The following ADGRL3 variants were observed in gnomAD, a reference collection of about 807,000 sequenced individuals.
ADGRL3 encodes adhesion G protein-coupled receptor L3, also known as calcium-independent alpha-latrotoxin receptor 3.
Under a neutral mutation model 153.5 loss-of-function variants are expected in ADGRL3, and 62 were observed. The observed-to-expected ratio is 0.40, with a 90% CI of 0.33 to 0.50. The LOEUF (loss-of-function observed/expected upper bound fraction) is 0.50. Ranked by LOEUF, ADGRL3 falls within the 20% of genes least tolerant of loss-of-function variation. The probability of loss-of-function intolerance (pLI) is 0.47; values close to 1 mark genes in which losing one functional copy is unlikely to be tolerated. For missense variants in ADGRL3, 1,641 were observed against 1,859.4 expected, an observed-to-expected ratio of 0.88 and a Z score of 2.16; for synonymous variants, 710 against 672.5, an observed-to-expected ratio of 1.06 and a Z score of -0.86.
chr4:61,896,874 G>C (rs2098634677), intron 11 of ADGRL3, among the ~76,000 whole-genome samples: 1 of 152,138 alleles, frequency 6.6e-6, no homozygotes, highest in African/African-American at 2.4e-5. Context: ...GATGTGATCA[G>C]ATTAAGAGAT....
rs1331629821 is a variant in ADGRL3, at chr4:61,928,137, AAGTAG to A, written c.2113-6698_2113-6694del. Among the ~76,000 whole-genome samples, 94 of 151,978 alleles carry A rather than the reference AAGTAG, an allele frequency of 6.2e-4. 5 individuals are homozygous for A. The highest frequency in any genetic ancestry group is 8.8e-5 in the Non-Finnish European group (6 of 67,962). ...TCAGGAAAACATATTTAAAAAGTGG[AAGTAG>A]AGTAAAATATAATTTATATTACTAG... On this transcript the variant is annotated intron_variant, in intron 13 of 26. Transcript: ENST00000683033.
intron 3 of ADGRL3, among the ~76,000 whole-genome samples, chr4:61,512,290 A>T (rs1186221185): frequency 6.6e-6 from 1 of 152,162 alleles, no homozygotes; most frequent in African/African-American, 2.4e-5. Flanking sequence ...CAATCCAATG[A>T]GTCATAGGTA....
At chr4:61,218,670 A>T (rs1179602540) in intron 1 of ADGRL3, among the ~76,000 whole-genome samples, 1 of 152,052 alleles carries the variant, frequency 6.6e-6, no homozygotes, top group Non-Finnish European at 1.5e-5. Context: ...TGTGATAAAG[A>T]TTAAACAGAA....
At chr4:61,594,811 A>G (rs1353527290) in intron 5 of ADGRL3, among the ~76,000 whole-genome samples, 1 of 152,174 alleles carries the variant, frequency 6.6e-6, no homozygotes, top group African/African-American at 2.4e-5. Flanking sequence ...CTGGGAGCCA[A>G]GGACTGGAGT....
rs1029278942 is a variant in ADGRL3 at position 61,698,721 on chromosome 4, G to A, written c.583+21786G>A. ...TATAGAGAATCATTTTGCTGTGTGA[G>A]TCTCCATTCAGTCATGGTGTGTTGC... On this transcript the variant is annotated intron_variant, in intron 6 of 26. Transcript: ENST00000683033. Among the ~76,000 whole-genome samples, 7 of 152,112 alleles carry A rather than the reference G, an allele frequency of 4.6e-5. No homozygotes were observed. In the East Asian group the frequency reaches 9.7e-4, roughly 21 times the overall value.
chr4:61,549,078 T>C (rs2148773222), intron 4 of ADGRL3, among the ~76,000 whole-genome samples: 1 of 152,198 alleles, frequency 6.6e-6, no homozygotes, highest in East Asian at 1.9e-4. Flanking sequence ...TATTTCTAGA[T>C]ATTTTATTCT....
At chr4:61,733,614 T>C in intron 8 of ADGRL3, 60 bp downstream of exon 8, 1 of 1,218,898 alleles carries the variant, frequency 8.2e-7, no homozygotes. Flanking sequence ...TCTCAGCAAG[T>C]TCATTTTATG....
intron 2 of ADGRL3, among the ~76,000 whole-genome samples, chr4:61,393,625 T>C (rs1578615929): frequency 1.3e-5 from 2 of 152,152 alleles, no homozygotes; most frequent in East Asian, 1.9e-4. Flanking sequence ...AGGGTGAATA[T>C]ACATTTTTAA....
intron 13 of ADGRL3, among the ~76,000 whole-genome samples, chr4:61,914,830 G>A (rs1364879765): frequency 2.0e-5 from 3 of 151,978 alleles, no homozygotes; most frequent in Admixed American, 6.6e-5. Context: ...AAAAGGCAGG[G>A]TAAAGATGAG....
intron 1 of ADGRL3, among the ~76,000 whole-genome samples, chr4:61,350,014 TC>T (rs1235135835): frequency 1.3e-5 from 2 of 152,190 alleles, no homozygotes; most frequent in Non-Finnish European, 2.9e-5. Context: ...TTTAAGGTTA[TC>T]ATCTGGCCAG....
intron 5 of ADGRL3, among the ~76,000 whole-genome samples, chr4:61,623,976 C>A (rs1382448240): frequency 6.6e-6 from 1 of 152,024 alleles, no homozygotes; most frequent in Non-Finnish European, 1.5e-5. Context: ...TTAAAGACTC[C>A]ATTTAAAGTT....
At chr4:61,295,021 C>T (rs747178509) in intron 1 of ADGRL3, among the ~76,000 whole-genome samples, 3 of 151,822 alleles carry the variant, frequency 2.0e-5, no homozygotes, top group Non-Finnish European at 2.9e-5. Context: ...ATGGAAAATT[C>T]CAGAAATAAA....
intron 5 of ADGRL3, among the ~76,000 whole-genome samples, chr4:61,654,383 T>G (rs949920976): frequency 1.3e-5 from 2 of 152,070 alleles, no homozygotes; most frequent in African/African-American, 4.8e-5. Flanking sequence ...CATTTGATTC[T>G]TTTTACTCAT....
At chr4:61,808,788 C>G (rs956416494) in intron 8 of ADGRL3, among the ~76,000 whole-genome samples, 2 of 140,570 alleles carry the variant, frequency 1.4e-5, no homozygotes, top group Non-Finnish European at 3.0e-5. Context: ...AACAAGAAAT[C>G]GGGCTTTTTT....
chr4:61,688,245 G>C (rs1373025170), intron 6 of ADGRL3, among the ~76,000 whole-genome samples: 1 of 151,972 alleles, frequency 6.6e-6, no homozygotes, highest in Non-Finnish European at 1.5e-5. Context: ...TATCTCTATG[G>C]CAAAGACATA....
intron 11 of ADGRL3, among the ~76,000 whole-genome samples, chr4:61,907,984 A>G (rs1425343622): frequency 6.6e-6 from 1 of 152,170 alleles, no homozygotes; most frequent in African/African-American, 2.4e-5. Context: ...TGATAGTAGG[A>G]CAGGTTAAAG....
At chr4:61,447,345 A>T (rs144884397) in intron 2 of ADGRL3, among the ~76,000 whole-genome samples, 14 of 152,252 alleles carry the variant, frequency 9.2e-5, no homozygotes, top group African/African-American at 2.9e-4. Flanking sequence ...CTGTATTGCC[A>T]CTGGTCAAAT....
At chr4:61,908,836 T>C (rs1258990812) in intron 11 of ADGRL3, among the ~76,000 whole-genome samples, 1 of 152,174 alleles carries the variant, frequency 6.6e-6, no homozygotes, top group Non-Finnish European at 1.5e-5. Flanking sequence ...CCAATTAATA[T>C]ATATTCCTAA....
At chr4:61,844,866 G>A (rs1223602503) in intron 9 of ADGRL3, among the ~76,000 whole-genome samples, 1 of 151,718 alleles carries the variant, frequency 6.6e-6, no homozygotes, top group East Asian at 1.9e-4. Context: ...GTGTATTTAT[G>A]TCTCTCTAAC....
Sources: allele counts gnomAD v4.1 joint callset (sites outside exome capture counted in the v4.1 genomes callset), GRCh38; gene constraint gnomAD v4.1.1; transcripts MANE v1.5; gene names NCBI Gene and HGNC (gene_info 2026-07-23, HGNC 2026-07-21).